Variants in AGPAT3 observed in about 807,000 individuals in gnomAD.
The protein encoded by AGPAT3 is 1-acyl-sn-glycerol-3-phosphate acyltransferase gamma.
Under a neutral mutation model 47.3 loss-of-function variants are expected in AGPAT3, and 5 were observed. The observed-to-expected ratio is 0.11, with a 90% CI of 0.06 to 0.22. The LOEUF (loss-of-function observed/expected upper bound fraction) is 0.22. Among genes scored for constraint, AGPAT3 ranks in the 10% least tolerant of loss-of-function variants. The pLI is 1.00. For missense variants in AGPAT3, 315 were observed against 493.0 expected (o/e 0.64, Z 3.42); for synonymous variants, 212 against 208.3 (o/e 1.02, Z -0.15).
intron 1 of AGPAT3, among the ~76,000 whole-genome samples, chr21:43,886,849 G>A (rs1191742517): frequency 6.6e-6 from 1 of 152,158 alleles, no homozygotes; most frequent in Non-Finnish European, 1.5e-5. Context: ...TCCGTCTCTT[G>A]ATGGACATGT....
chr21:43,972,767 C>A (rs534761042), intron 7 of AGPAT3, among the ~76,000 whole-genome samples: 1 of 152,340 alleles, frequency 6.6e-6, no homozygotes, highest in East Asian at 1.9e-4. Flanking sequence ...CAGCACAAAT[C>A]ATCATTTCAG....
intron 1 of AGPAT3, among the ~76,000 whole-genome samples, chr21:43,896,943 GTTTT>G (rs61657564): frequency 3.1e-4 from 13 of 42,338 alleles, no homozygotes; most frequent in Non-Finnish European, 4.0e-4. Context: ...TTGACAGTCC[GTTTT>G]TTTTTTTTTT....
At position 43,985,183 on chromosome 21, in the gene AGPAT3, G is replaced by A; in HGVS notation, c.*2791G>A. 4.4e-6 allele frequency: 2 copies of A among 456,314 alleles called. No individual in the cohort carries two copies. Among genetic ancestry groups the A allele is most frequent in the South Asian group, 1.5e-5 (1 of 64,572 alleles). The allele number at this position is 456,314 out of a possible 1,614,324, so 28.3% of individuals were successfully genotyped here. On this transcript the variant is annotated 3_prime_UTR_variant, in exon 10 of 10. Coordinates refer to ENST00000291572, the MANE Select transcript of AGPAT3 (RefSeq NM_020132.5). ...GGTGCCAGGTGTCATGGGGTCTCCT[G>A]CCCATCTTCCCAAGGATGCCATTGC...
chr21:43,895,127 CAG>C (rs1332456955), intron 1 of AGPAT3, among the ~76,000 whole-genome samples: 1 of 150,224 alleles, frequency 6.7e-6, no homozygotes, highest in Non-Finnish European at 1.5e-5. Context: ...TTTTTTGAGA[CAG>C]AGTCTTGCTC....
intron 2 of AGPAT3, among the ~76,000 whole-genome samples, chr21:43,945,096 C>T (rs1167524531): frequency 6.6e-6 from 1 of 152,258 alleles, no homozygotes; most frequent in Non-Finnish European, 1.5e-5. Context: ...GTTTTAACAG[C>T]ACCTATGACA....
intron 1 of AGPAT3, among the ~76,000 whole-genome samples, chr21:43,893,168 T>C (rs1439490912): frequency 6.6e-6 from 1 of 152,218 alleles, no homozygotes; most frequent in African/African-American, 2.4e-5. Flanking sequence ...GCAGATGACT[T>C]GCTGCAGCTT....
At chr21:43,943,942 G>A (rs960061090) in intron 2 of AGPAT3, among the ~76,000 whole-genome samples, 1 of 152,238 alleles carries the variant, frequency 6.6e-6, no homozygotes, top group South Asian at 2.1e-4. Flanking sequence ...GAGTGGAGGG[G>A]CAAGTGCCTG....
chr21:43,950,852 A>G (rs529279231), intron 2 of AGPAT3: 2 of 152,372 alleles, frequency 1.3e-5, no homozygotes, highest in Admixed American at 6.5e-5. Context: ...GGAGGACCCA[A>G]TGCAGGGCCC....
At chr21:43,961,601 C>T (rs2329630) in intron 3 of AGPAT3, among the ~76,000 whole-genome samples, 5,135 of 145,378 alleles carry the variant, frequency 0.035, 331 homozygotes, top group African/African-American at 0.11. Flanking sequence ...AAATGGTGAA[C>T]CCACATACAC....
At chr21:43,971,156 C>A (rs1030937686) in intron 6 of AGPAT3, among the ~76,000 whole-genome samples, 1 of 152,152 alleles carries the variant, frequency 6.6e-6, no homozygotes, top group Non-Finnish European at 1.5e-5. Context: ...GCGTCAGTAC[C>A]CATGGGAAAC....
chr21:43,934,863 G>GCCACTCACATA lies in AGPAT3; in HGVS notation c.-48-24768_-48-24767insCTCACATACCA, dbSNP rs1273253120. Among the ~76,000 whole-genome samples, 2 of 148,612 alleles carry GCCACTCACATA rather than the reference G, an allele frequency of 1.3e-5. 1 individual carries two copies. The highest frequency in any genetic ancestry group is 3.0e-5 in the Non-Finnish European group (2 of 67,084). ...GACGCCACTCACATGCCACTCACAT[G>GCCACTCACATA]CCATTGACACGCCACCCACGCCACT... On this transcript the variant is annotated intron_variant, in intron 2 of 9. Transcript: ENST00000291572. This position sits in a 1 kb window ranked among gnomAD's most constrained non-coding sequence, Gnocchi z 4.7.
intron 2 of AGPAT3, among the ~76,000 whole-genome samples, chr21:43,942,373 C>G (rs1444415879): frequency 6.6e-6 from 1 of 152,230 alleles, no homozygotes; most frequent in Non-Finnish European, 1.5e-5. Flanking sequence ...GCTGGCCACT[C>G]ACCAGGAGCC....
chr21:43,894,678 C>G (rs2086175911), intron 1 of AGPAT3, among the ~76,000 whole-genome samples: 1 of 152,162 alleles, frequency 6.6e-6, no homozygotes, highest in African/African-American at 2.4e-5. Context: ...GGTCTTACTT[C>G]TTTTATCAAG....
At chr21:43,909,671 C>T (rs1275555077) in intron 2 of AGPAT3, among the ~76,000 whole-genome samples, 1 of 152,166 alleles carries the variant, frequency 6.6e-6, no homozygotes. Flanking sequence ...CCCGACGGTG[C>T]TGTTCCATCA....
intron 1 of AGPAT3, among the ~76,000 whole-genome samples, chr21:43,877,364 G>A (rs988182410): frequency 2.0e-5 from 3 of 152,228 alleles, no homozygotes; most frequent in Non-Finnish European, 4.4e-5. Context: ...GCATATGCCA[G>A]TAATAGTTAA....
intron 1 of AGPAT3, among the ~76,000 whole-genome samples, chr21:43,896,954 T>G (rs1303612135): frequency 8.2e-5 from 12 of 145,996 alleles, no homozygotes; most frequent in Non-Finnish European, 1.7e-4. Context: ...TTTTTTTTTT[T>G]TTTTTTTTTT....
chr21:43,911,335 G>A (rs754176471), intron 2 of AGPAT3, among the ~76,000 whole-genome samples: 2 of 151,990 alleles, frequency 1.3e-5, no homozygotes, highest in Non-Finnish European at 2.9e-5. Context: ...TAGAACCCGA[G>A]TGTGCTTTAA....
At chr21:43,917,813 GTGGGTGTTGTGGGGGTTGTGGGTGTT>G (rs1569062937) in intron 2 of AGPAT3, among the ~76,000 whole-genome samples, 1,202 of 113,206 alleles carry the variant, frequency 0.011, 3 homozygotes, top group African/African-American at 0.045. Context: ...GGGTTGTGTT[GTGGGTGTTGTGGGGGTTGTGGGTGTT>G]GTGTTGTGGG....
chr21:43,982,616 G>A lies in AGPAT3; in HGVS notation c.*224G>A. ...CCCAGCATCTCCACGCGCGCCCGTG[G>A]GAGGTGGGTCCGGCCGGAGAGGCCT... On this transcript the variant is annotated 3_prime_UTR_variant, in exon 10 of 10. Coordinates refer to ENST00000291572, the MANE Select transcript of AGPAT3 (RefSeq NM_020132.5). The surrounding 1 kb of genome is among the most constrained non-coding windows in gnomAD (Gnocchi z 6.2). The A allele has an allele frequency of 2.6e-6, 1 of 390,400 alleles. No homozygotes were observed. Among genetic ancestry groups the A allele is most frequent in the Non-Finnish European group, 4.6e-6 (1 of 217,258 alleles). 24.2% of individuals were successfully genotyped at this position (390,400 alleles called of 1,614,324 possible). A position where few individuals can be genotyped will look rare whatever the true frequency, so the allele number is the denominator to read the frequency against.
Sources: gnomAD v4.1 joint callset for allele counts (sites outside exome capture counted in the v4.1 genomes callset) on GRCh38, gnomAD v4.1.1 for gene constraint, Gnocchi (gnomAD v3.1) non-coding constraint, MANE v1.5 for transcripts, NCBI Gene and HGNC (gene_info 2026-07-23, HGNC 2026-07-21) for gene names.